The following CNTN3 variants were observed in gnomAD, a reference collection of about 807,000 sequenced individuals.
The protein encoded by CNTN3 is contactin 3.
CNTN3 carries 60 observed loss-of-function variants against 119.1 expected under a neutral mutation model. The ratio of observed to expected loss-of-function variants is 0.50; its 90% CI spans 0.41 to 0.62. The LOEUF (loss-of-function observed/expected upper bound fraction) is 0.62. CNTN3 is among the 20% of genes least tolerant of loss of function. The pLI is 0.00. For synonymous variants in CNTN3, 450 were observed against 438.7 expected (o/e 1.03, Z -0.32); for missense variants, 1,101 against 1,242.4 (o/e 0.89, Z 1.71).
At chr3:74,343,987 T>C (rs192787291) in intron 11 of CNTN3, among the ~76,000 whole-genome samples, 1 of 152,334 alleles carries the variant, frequency 6.6e-6, no homozygotes, top group East Asian at 1.9e-4. Flanking sequence ...CAGCACTTGC[T>C]CCAACAACAT....
At chr3:74,571,246 T>A (rs1031214168) in intron 1 of CNTN3, among the ~76,000 whole-genome samples, 1 of 152,186 alleles carries the variant, frequency 6.6e-6, no homozygotes, top group Non-Finnish European at 1.5e-5. Context: ...CTGCAGATAG[T>A]GTTCTAGCAG....
intron 13 of CNTN3, among the ~76,000 whole-genome samples, chr3:74,309,572 C>G (rs1031059100): frequency 3.3e-5 from 5 of 152,082 alleles, no homozygotes; most frequent in South Asian, 2.1e-4. Flanking sequence ...ACCAGAAACA[C>G]CTAGGTCACA....
At chr3:74,589,862 A>C (rs1704668786) in intron 1 of CNTN3, among the ~76,000 whole-genome samples, 1 of 151,362 alleles carries the variant, frequency 6.6e-6, no homozygotes, top group Admixed American at 6.6e-5. Context: ...CAAGGACAAA[A>C]AACCAAACAC....
At chr3:74,589,002 C>T (rs1435288741) in intron 1 of CNTN3, among the ~76,000 whole-genome samples, 1 of 151,726 alleles carries the variant, frequency 6.6e-6, no homozygotes, top group African/African-American at 2.4e-5. Context: ...CCATAAAAAC[C>T]CTAGAAGAAA....
rs59036938 is a variant in CNTN3 at position 74,373,550 on chromosome 3, C to A, written c.455-2151G>T. Reference sequence around the variant, plus strand: ...GAATGGTTGAGAAAAAGAACTCTGACTCAGAGTCAGAAAACCTAAAATCTG... The same window carrying A: ...GAATGGTTGAGAAAAAGAACTCTGAATCAGAGTCAGAAAACCTAAAATCTG... On this transcript the variant is annotated intron_variant, in intron 5 of 22. Coordinates refer to ENST00000263665, the MANE Select transcript of CNTN3 (RefSeq NM_020872.3). Among the ~76,000 whole-genome samples, 14 of 152,184 alleles carry A rather than the reference C, an allele frequency of 9.2e-5. No individual in the cohort carries two copies. The South Asian group carries it at 2.9e-3, about 32-fold the overall frequency.
rs531926179 is a variant in CNTN3, at chr3:74,389,224, G to A, written c.455-17825C>T. ...GACAATTAAATCAAATCACCTTTAT[G>A]TGGTAACTGAATTAATAAATTGGAT... On this transcript the variant is annotated intron_variant, in intron 5 of 22. Coordinates refer to ENST00000263665, the MANE Select transcript of CNTN3 (RefSeq NM_020872.3). Among the ~76,000 whole-genome samples the A allele has an allele frequency of 2.6e-5, 4 of 152,258 alleles. No individual in the cohort carries two copies. In the South Asian group the frequency reaches 8.3e-4, roughly 32 times the overall value.
chr3:74,349,078 C>T (rs1703758032), intron 11 of CNTN3, among the ~76,000 whole-genome samples: 1 of 150,128 alleles, frequency 6.7e-6, no homozygotes, highest in African/African-American at 2.5e-5. Flanking sequence ...ACAGCGAGAC[C>T]CTGTCTCTTA....
chr3:74,477,587 G>A (rs1172524350), intron 4 of CNTN3, among the ~76,000 whole-genome samples: 2 of 152,044 alleles, frequency 1.3e-5, no homozygotes, highest in Non-Finnish European at 2.9e-5. Context: ...AAGGGTAGTG[G>A]GGGATTAGGG....
At chr3:74,319,960 A>G (rs1250594147) in intron 13 of CNTN3, among the ~76,000 whole-genome samples, 1 of 152,228 alleles carries the variant, frequency 6.6e-6, no homozygotes, top group Non-Finnish European at 1.5e-5. Flanking sequence ...AATCAATACC[A>G]CAATGAGATA....
intron 20 of CNTN3, among the ~76,000 whole-genome samples, chr3:74,280,116 ATGTACTCC>A (rs1195818062): frequency 4.6e-5 from 7 of 152,108 alleles, no homozygotes; most frequent in Non-Finnish European, 1.0e-4. Context: ...AAAAGATCTC[ATGTACTCC>A]TTAAATATAT....
chr3:74,284,976 C>A (rs985988848), intron 20 of CNTN3, among the ~76,000 whole-genome samples: 1 of 152,164 alleles, frequency 6.6e-6, no homozygotes, highest in East Asian at 1.9e-4. Flanking sequence ...TATCAGAAAT[C>A]CTCAAGCTTT....
At chr3:74,542,023 A>C (rs151306287) in intron 1 of CNTN3, among the ~76,000 whole-genome samples, 43 of 152,204 alleles carry the variant, frequency 2.8e-4, no homozygotes, top group African/African-American at 1.0e-3. Flanking sequence ...GCTTGTGGCC[A>C]GGAGTTTGAG....
intron 11 of CNTN3, among the ~76,000 whole-genome samples, chr3:74,348,339 C>T (rs1033719000): frequency 6.6e-6 from 1 of 152,074 alleles, no homozygotes; most frequent in Admixed American, 6.6e-5. Context: ...GTCAAGTATA[C>T]CTTACTAAAA....
chr3:74,296,805 T>G lies in CNTN3; in HGVS notation c.2401+1152A>C, dbSNP rs369716833. Among the ~76,000 whole-genome samples the G allele has an allele frequency of 3.0e-4, 45 of 152,320 alleles. No homozygotes were observed. In the East Asian group the frequency reaches 7.0e-3, roughly 24 times the overall value. On this transcript the variant is annotated intron_variant, in intron 18 of 22. Transcript: ENST00000263665. ...AAATAATAGTGCCTATATTTTTTATTTGAAATATCAAATTAGGTAATGTCG... is the reference window on the plus strand; with the variant it reads ...AAATAATAGTGCCTATATTTTTTATGTGAAATATCAAATTAGGTAATGTCG...
At chr3:74,465,563 T>C (rs888350638) in intron 4 of CNTN3, among the ~76,000 whole-genome samples, 1 of 152,208 alleles carries the variant, frequency 6.6e-6, no homozygotes, top group Non-Finnish European at 1.5e-5. Context: ...TTGAGGATTG[T>C]TTCCATTTCT....
intron 1 of CNTN3, among the ~76,000 whole-genome samples, chr3:74,558,614 C>A (rs958280808): frequency 2.0e-5 from 3 of 152,148 alleles, no homozygotes; most frequent in Admixed American, 1.3e-4. Context: ...CCACTATTGA[C>A]TATCTCTTTG....
At chr3:74,600,176 G>T (rs954679007) in intron 1 of CNTN3, among the ~76,000 whole-genome samples, 1 of 152,080 alleles carries the variant, frequency 6.6e-6, no homozygotes, top group African/African-American at 2.4e-5. Flanking sequence ...GAAAGAGGGA[G>T]AGCCTTGGAA....
chr3:74,495,911 T>C (rs1299363072), intron 3 of CNTN3, among the ~76,000 whole-genome samples: 1 of 152,008 alleles, frequency 6.6e-6, no homozygotes, highest in African/African-American at 2.4e-5. Flanking sequence ...TTTACTTCCT[T>C]GTGAAGAGAG....
intron 1 of CNTN3, among the ~76,000 whole-genome samples, chr3:74,525,641 G>A (rs373057432): frequency 1.5e-4 from 23 of 151,814 alleles, no homozygotes; most frequent in African/African-American, 5.3e-4. Flanking sequence ...AGAATTTTCC[G>A]TGCTAATAGA....
Sources: allele counts gnomAD v4.1 joint callset (sites outside exome capture counted in the v4.1 genomes callset), GRCh38; gene constraint gnomAD v4.1.1; transcripts MANE v1.5; gene names NCBI Gene and HGNC (gene_info 2026-07-23, HGNC 2026-07-21).